PAK4: variants seen among roughly 807,000 people sequenced by gnomAD.
PAK4 encodes p21 (RAC1) activated kinase 4.
PAK4 carries 49 observed loss-of-function variants against 53.5 expected under a neutral mutation model. The observed-to-expected ratio is 0.92, with a 90% CI of 0.73 to 1.16. The LOEUF is 1.16. Ranked by LOEUF, PAK4 falls within the 50% of genes most tolerant of loss-of-function variation. The pLI, the probability that PAK4 is intolerant of heterozygous loss-of-function variation, is 0.00. For synonymous variants in PAK4, 376 were observed against 375.6 expected, an observed-to-expected ratio of 1.00 and a Z score of -0.01; for missense variants, 824 against 850.7, an observed-to-expected ratio of 0.97 and a Z score of 0.39.
rs116665670 is a variant in PAK4, at chr19:39,130,739, C to T, written c.-23+4820C>T. Among the ~76,000 whole-genome samples, 1,469 of 151,744 alleles carry T rather than the reference C, an allele frequency of 9.7e-3. 25 individuals are homozygous for T. The highest frequency in any genetic ancestry group is 0.034 in the African/African-American group (1,400 of 41,368). ...GGGGGTGGGGTCAGAGGCTTGGAGG[C>T]GGTGTTGGATACAGCAGGGCCTAGC... On this transcript the variant is annotated intron_variant, in intron 1 of 8. Transcript: ENST00000358301.
At chr19:39,166,484 C>T (rs1424597550) in intron 1 of PAK4, among the ~76,000 whole-genome samples, 9 of 152,346 alleles carry the variant, frequency 5.9e-5, no homozygotes, top group African/African-American at 1.9e-4. Context: ...CTACTATTAT[C>T]GCCGTCTTTG....
At chr19:39,131,845 A>G (rs1270147913) in intron 1 of PAK4, among the ~76,000 whole-genome samples, 3 of 152,170 alleles carry the variant, frequency 2.0e-5, no homozygotes. Flanking sequence ...GGAAGAGACA[A>G]AGAACTTCCC....
intron 2 of PAK4, among the ~76,000 whole-genome samples, chr19:39,171,291 C>T (rs555639767): frequency 6.6e-6 from 1 of 152,046 alleles, no homozygotes; most frequent in African/African-American, 2.4e-5. Context: ...CTCATGCAAC[C>T]TTCGCCTCCT....
chr19:39,156,464 AG>A (rs914489419), intron 1 of PAK4, among the ~76,000 whole-genome samples: 15 of 152,142 alleles, frequency 9.9e-5, no homozygotes, highest in African/African-American at 3.6e-4. Flanking sequence ...AGCCTGGCAT[AG>A]GGGGGTGAGG....
chr19:39,173,337 C>G lies in PAK4; in HGVS notation c.624C>G (p.Tyr208Ter). Reference sequence around the variant, plus strand: ...CAGCTGGCCGGCCCTTTAACACCTACCCGAGGGCTGACACGGACCACCCAT... The same window carrying G: ...CAGCTGGCCGGCCCTTTAACACCTAGCCGAGGGCTGACACGGACCACCCAT... Residue 208 changes from tyrosine to a stop codon, truncating the protein, a stop_gained, in exon 3 of 9, where the codon TAC becomes TAG. Coordinates refer to ENST00000358301, the Ensembl canonical transcript of PAK4. LOFTEE classifies it high-confidence loss of function. This position sits in a 1 kb window ranked among gnomAD's most constrained non-coding sequence, Gnocchi z 6.9. 1 of 1,571,654 alleles carries G rather than the reference C, an allele frequency of 6.4e-7. No homozygotes were observed. The highest frequency in any genetic ancestry group is 8.6e-7 in the Non-Finnish European group (1 of 1,157,396).
In PAK4 at chr19:39,157,272, G is replaced by A. The variant is rs367960188; in HGVS notation, c.-22-12260G>A. ...TATCTTGGGGGTTATTCCTAGGTGC[G>A]TGTGTGTCCTGGGGTGCAGTGCGGC... On this transcript the variant is annotated intron_variant, in intron 1 of 8. Coordinates refer to ENST00000358301, the Ensembl canonical transcript of PAK4. 5.4e-4 allele frequency among the ~76,000 whole-genome samples: 82 copies of A among 152,192 alleles called. 1 individual carries two copies. In the South Asian group the frequency reaches 0.015, roughly 27 times the overall value.
intron 1 of PAK4, among the ~76,000 whole-genome samples, chr19:39,126,929 C>T (rs1227588679): frequency 1.3e-5 from 2 of 152,176 alleles, no homozygotes; most frequent in Non-Finnish European, 2.9e-5. Flanking sequence ...CTGGGTGATT[C>T]CAGGGCTCCT....
At chr19:39,180,357 G>C (rs2074687675), downstream of PAK4, 1 of 151,066 alleles carries the variant, frequency 6.6e-6, no homozygotes, top group African/African-American at 2.4e-5. Flanking sequence ...AGAAGAAATA[G>C]AAAACAAGAC....
intron 7 of PAK4, 135 bp downstream of exon 8, chr19:39,176,850 G>A: frequency 2.0e-6 from 2 of 1,023,692 alleles, no homozygotes; most frequent in African/African-American, 1.6e-5. Context: ...AGGAGGTACT[G>A]CAGGCATGCA....
intron 1 of PAK4, among the ~76,000 whole-genome samples, chr19:39,128,108 C>T (rs555927462): frequency 6.6e-6 from 1 of 152,290 alleles, no homozygotes; most frequent in South Asian, 2.1e-4. Flanking sequence ...CTGGTACACA[C>T]CCCTCTCCAT....
exon 8 of PAK4, chr19:39,177,789 C>G (rs756382524): frequency 1.9e-6 from 3 of 1,613,054 alleles, no homozygotes; most frequent in Admixed American, 3.3e-5. Context: ...CCTGCCACCC[C>G]GACTGAAGAA....
Position 39,161,343 on chromosome 19 carries a change from C to T in PAK4, c.-22-8189C>T, listed in dbSNP as rs1021960635. 2.6e-5 allele frequency among the ~76,000 whole-genome samples: 4 copies of T among 152,182 alleles called. No homozygotes were observed. Among genetic ancestry groups the T allele is most frequent in the African/African-American group, 4.8e-5 (2 of 41,438 alleles). ...GGAGGGAACGGACCTAGGCTGACTG[C>T]GCCAGGCTCCGCGCCAGGTGCTGGG... is the stretch of plus-strand genomic sequence containing the variant. On this transcript the variant is annotated intron_variant, in intron 1 of 8. Transcript: ENST00000358301. This position sits in a 1 kb window ranked among gnomAD's most constrained non-coding sequence, Gnocchi z 4.5.
At chr19:39,174,524 G>A (rs1166400884) in intron 4 of PAK4, among the ~76,000 whole-genome samples, 1 of 151,984 alleles carries the variant, frequency 6.6e-6, no homozygotes, top group Admixed American at 6.6e-5. Flanking sequence ...GGTGTGTGAG[G>A]CCCCTCTCGA....
chr19:39,137,480 C>T (rs1256520390), intron 1 of PAK4, among the ~76,000 whole-genome samples: 1 of 152,162 alleles, frequency 6.6e-6, no homozygotes, highest in African/African-American at 2.4e-5. Context: ...ACCCGTGTGA[C>T]CCATTTCACA....
intron 2 of PAK4, among the ~76,000 whole-genome samples, chr19:39,170,675 C>T (rs982385965): frequency 1.3e-5 from 2 of 152,204 alleles, no homozygotes; most frequent in Admixed American, 6.5e-5. Context: ...CTCACCCTCC[C>T]GGTGCCCAGC....
chr19:39,168,353 T>A (rs1402524708), intron 1 of PAK4, 51 bp downstream of exon 2: 1 of 151,948 alleles, frequency 6.6e-6, no homozygotes, highest in African/African-American at 2.4e-5. Context: ...GCAGCTGGGG[T>A]GGGGCCTTAG....
downstream of PAK4, chr19:39,180,455 T>C (rs569361496): frequency 3.3e-4 from 51 of 152,270 alleles, no homozygotes; most frequent in African/African-American, 1.2e-3. Flanking sequence ...GATTTTTTTT[T>C]TTTTTTTGAG....
chr19:39,174,988 C>T (rs749458793), exon 5 of PAK4: 1 of 1,613,920 alleles, frequency 6.2e-7, no homozygotes, highest in Non-Finnish European at 8.5e-7. Flanking sequence ...CAACAGCTAC[C>T]TGGTGGGGGA....
At chr19:39,162,560 G>T (rs2074302341) in intron 1 of PAK4, among the ~76,000 whole-genome samples, 1 of 152,136 alleles carries the variant, frequency 6.6e-6, no homozygotes, top group Non-Finnish European at 1.5e-5. Context: ...GAACCACCGT[G>T]CCCGGCCTTG....
Sources: allele counts gnomAD v4.1 joint callset (sites outside exome capture counted in the v4.1 genomes callset), GRCh38; gene constraint gnomAD v4.1.1; non-coding constraint Gnocchi (gnomAD v3.1); transcripts MANE v1.5; gene names NCBI Gene and HGNC (gene_info 2026-07-23, HGNC 2026-07-21).